Variants in RANBP2 observed in about 807,000 individuals in gnomAD.
RANBP2 encodes E3 SUMO-protein ligase RanBP2.
In RANBP2, 57 loss-of-function variants were observed where a neutral mutation model predicts 303.6. The observed-to-expected ratio is 0.19, with a 90% confidence interval of 0.15 to 0.23. The LOEUF (loss-of-function observed/expected upper bound fraction) is 0.23. RANBP2 is among the 10% of genes least tolerant of loss of function. The pLI is 1.00. For synonymous variants in RANBP2, 1,167 were observed against 1,301.5 expected (o/e 0.90, Z 2.23); for missense variants, 3,138 against 3,780.8 (o/e 0.83, Z 4.46).
chr2:109,109,923 C>T, the RANBP2 span, among the ~76,000 whole-genome samples: 2 of 151,990 alleles, frequency 1.3e-5, no homozygotes, highest in Non-Finnish European at 2.9e-5. Context: ...GAGCACGCAC[C>T]CCCCACAGCC....
the RANBP2 span, chr2:109,613,674 G>A: frequency 1.6e-6 from 1 of 631,434 alleles, no homozygotes; most frequent in Non-Finnish European, 2.2e-6. Flanking sequence ...CACTGGGCGG[G>A]CGGGGCCGGA....
At chr2:108,840,662 G>A in the RANBP2 span, among the ~76,000 whole-genome samples, 1 of 151,994 alleles carries the variant, frequency 6.6e-6, no homozygotes, top group Non-Finnish European at 1.5e-5. Flanking sequence ...ATCTGTAGTG[G>A]TAGCATTATT....
chr2:109,116,001 C>T, the RANBP2 span, among the ~76,000 whole-genome samples: 1 of 152,228 alleles, frequency 6.6e-6, no homozygotes, highest in Non-Finnish European at 1.5e-5. Context: ...GAGAGATCTG[C>T]TGTTAGTCTG....
Position 108,782,668 on chromosome 2 carries a change from T to C in RANBP2, c.9175T>C (p.Ser3059Pro), listed in dbSNP as rs774306184. 6 of 1,614,212 alleles carry C rather than the reference T, an allele frequency of 3.7e-6. No individual in the cohort carries two copies. The South Asian group carries it at 4.4e-5, about 12-fold the overall frequency. ...ACATGTATCACTGGCAGCAGAATTATCAAAGGAGACCAATCCTGTGGTGTT... is the reference window on the plus strand; with the variant it reads ...ACATGTATCACTGGCAGCAGAATTACCAAAGGAGACCAATCCTGTGGTGTT... ...KGHVSLAAEL[S>P]KETNPVVFFD... The change falls in exon 28 of 29, where the codon TCA becomes CCA. Residue 3059 changes from serine to proline, a missense_variant. Coordinates refer to ENST00000283195, the MANE Select transcript of RANBP2 (RefSeq NM_006267.5).
chr2:109,675,615 G>A, the RANBP2 span, among the ~76,000 whole-genome samples: 6 of 152,142 alleles, frequency 3.9e-5, no homozygotes, highest in Admixed American at 3.3e-4. Context: ...CCAGGAGGCG[G>A]AGGTTGCAGT....
chr2:108,842,625 C>T, the RANBP2 span, among the ~76,000 whole-genome samples: 9 of 152,140 alleles, frequency 5.9e-5, no homozygotes, highest in South Asian at 4.2e-4. Flanking sequence ...ACAAGTTGTG[C>T]GGGCTTCATC....
At chr2:109,675,654 C>A in the RANBP2 span, among the ~76,000 whole-genome samples, 2 of 152,082 alleles carry the variant, frequency 1.3e-5, no homozygotes, top group African/African-American at 4.8e-5. Flanking sequence ...TGCACTCCAG[C>A]CTGGGCAATA....
the RANBP2 span, among the ~76,000 whole-genome samples, chr2:109,130,365 G>T: frequency 6.6e-6 from 1 of 152,230 alleles, no homozygotes; most frequent in Non-Finnish European, 1.5e-5. Context: ...GCTCACCCCC[G>T]ATTCCTTGGC....
chr2:109,355,827 A>G, the RANBP2 span, among the ~76,000 whole-genome samples: 1 of 152,210 alleles, frequency 6.6e-6, no homozygotes, highest in East Asian at 1.9e-4. Flanking sequence ...GTATTTCTCC[A>G]TATACTAATG....
the RANBP2 span, among the ~76,000 whole-genome samples, chr2:109,337,573 TC>T: frequency 1.3e-5 from 2 of 152,310 alleles, no homozygotes; most frequent in African/African-American, 4.8e-5. Context: ...CTGTGGAGCT[TC>T]CCCGAGCCTT....
chr2:109,178,095 T>A, the RANBP2 span, among the ~76,000 whole-genome samples: 88 of 152,320 alleles, frequency 5.8e-4, 1 homozygote, highest in African/African-American at 2.0e-3. Context: ...CTAAAAATAT[T>A]TTCTCTTTCT....
At chr2:109,518,915 CTTT>C in the RANBP2 span, among the ~76,000 whole-genome samples, 50 of 110,986 alleles carry the variant, frequency 4.5e-4, no homozygotes, top group East Asian at 4.0e-3. Context: ...TGCTACATAT[CTTT>C]TTTTTTTTTT....
the RANBP2 span, among the ~76,000 whole-genome samples, chr2:109,118,588 C>A: frequency 6.7e-6 from 1 of 149,994 alleles, no homozygotes; most frequent in South Asian, 2.3e-4. Flanking sequence ...TGTCAGTGTA[C>A]GTTTTATTCA....
chr2:109,322,649 A>G, the RANBP2 span, among the ~76,000 whole-genome samples: 2 of 152,262 alleles, frequency 1.3e-5, no homozygotes, highest in Non-Finnish European at 2.9e-5. Context: ...TCTCCAGCAG[A>G]AATAACCTTT....
At chr2:109,618,819 G>A in the RANBP2 span, 1 of 166,964 alleles carries the variant, frequency 6.0e-6, no homozygotes, top group South Asian at 2.1e-4. Context: ...CACTTTCATG[G>A]TATATAAAAT....
At chr2:109,646,434 G>A in the RANBP2 span, among the ~76,000 whole-genome samples, 1 of 152,116 alleles carries the variant, frequency 6.6e-6, no homozygotes, top group African/African-American at 2.4e-5. Context: ...ACTGGAGCCT[G>A]AGGCAAAAGG....
chr2:109,123,142 G>A, the RANBP2 span, among the ~76,000 whole-genome samples: 2 of 152,210 alleles, frequency 1.3e-5, no homozygotes, highest in East Asian at 3.9e-4. Flanking sequence ...TGGTGAATGC[G>A]TGTGGCCATC....
At chr2:109,739,431 T>C in the RANBP2 span, among the ~76,000 whole-genome samples, 97 of 151,942 alleles carry the variant, frequency 6.4e-4, no homozygotes, top group Non-Finnish European at 1.1e-3. Context: ...GAGTTTTCAT[T>C]GTAGAGATCA....
the RANBP2 span, among the ~76,000 whole-genome samples, chr2:109,126,520 GTGACCAC>G: frequency 6.6e-6 from 1 of 152,234 alleles, no homozygotes; most frequent in Non-Finnish European, 1.5e-5. Flanking sequence ...GGTCCAAAGA[GTGACCAC>G]TGGTCCATAC....
Sources: allele counts gnomAD v4.1 joint callset (sites outside exome capture counted in the v4.1 genomes callset), GRCh38; gene constraint gnomAD v4.1.1; transcripts MANE v1.5; gene names NCBI Gene and HGNC (gene_info 2026-07-23, HGNC 2026-07-21).